Variants in IGFN1 observed in about 807,000 individuals in gnomAD.
The protein encoded by IGFN1 is immunoglobulin-like and fibronectin type III domain-containing protein 1.
Under a neutral mutation model 289.5 loss-of-function variants are expected in IGFN1, and 253 were observed. That is an observed-to-expected ratio of 0.87 (90% CI 0.79 to 0.97). The LOEUF is 0.97. Among genes scored for constraint, IGFN1 ranks in the 50% least tolerant of loss-of-function variants. The probability of loss-of-function intolerance (pLI) is 0.00; values close to 1 mark genes in which losing one functional copy is unlikely to be tolerated. For synonymous variants in IGFN1, 1,706 were observed against 1,788.5 expected (o/e 0.95, Z 1.16); for missense variants, 4,470 against 4,686.1 (o/e 0.95, Z 1.35).
intron 8 of IGFN1, among the ~76,000 whole-genome samples, chr1:201,201,016 A>G (rs1175612588): frequency 1.3e-5 from 2 of 151,974 alleles, no homozygotes; most frequent in East Asian, 3.9e-4. Context: ...TATTTTTAGT[A>G]GAGACGGGGT....
chr1:201,207,486 CAAG>C lies in IGFN1; in HGVS notation c.2595_2597del (p.Glu866del). 1 of 1,532,696 alleles carries C rather than the reference CAAG, an allele frequency of 6.5e-7. No homozygotes were observed. The highest frequency in any genetic ancestry group is 8.7e-7 in the Non-Finnish European group (1 of 1,144,606). 94.9% of individuals were successfully genotyped at this position (1,532,696 alleles called of 1,614,324 possible). A position where few individuals can be genotyped will look rare whatever the true frequency, so the allele number is the denominator to read the frequency against. Reference sequence around the variant, plus strand: ...TGGAGTGCTGGGGCCCAGTGGAGGACAAGAGGGTATGGGTGGTATCTGGGTGGC... The same window carrying C: ...TGGAGTGCTGGGGCCCAGTGGAGGACAGGGTATGGGTGGTATCTGGGTGGC... On this transcript the variant is annotated inframe_deletion, in exon 12 of 24. Coordinates refer to ENST00000335211, the MANE Select transcript of IGFN1 (RefSeq NM_001164586.2).
chr1:201,210,841 G>A lies in IGFN1; in HGVS notation c.5948G>A (p.Gly1983Asp). Residue 1983 changes from glycine (G) to aspartate (D), a missense_variant, in exon 12 of 24, where the codon GGT (glycine) becomes GAT (aspartate). Physicochemically the swap from Gly to Asp is moderately conservative, Grantham distance 94. Transcript: ENST00000335211. ...GSGSKEGFRD[G>D]LGGSEEMGSM... is the part of the protein sequence containing the mutation. The stretch of plus-strand genomic sequence containing the variant: ...GGGAGTAAGGAAGGTTTCAGGGATG[G>A]TTTAGGGGGTTCTGAGGAAATGGGG... The A allele has an allele frequency of 6.5e-7, 1 of 1,533,596 alleles. No homozygotes were observed. The highest frequency in any genetic ancestry group is 8.7e-7 in the Non-Finnish European group (1 of 1,145,988). The allele number at this position is 1,533,596 out of a possible 1,614,324, so 95.0% of individuals were successfully genotyped here. A position where few individuals can be genotyped will look rare whatever the true frequency, so the allele number is the denominator to read the frequency against.
chr1:201,213,497 C>A lies in IGFN1; in HGVS notation c.8604C>A (p.His2868Gln), dbSNP rs1667940291. ...ATCAGAGCCGGGAGCCCCCTGGTCA[C>A]CTTGGTAGCAGGAGAAGTGGCAAAG... ...NEDQSREPPGHLGSRRSGKDG... is the reference protein window; with the variant it reads ...NEDQSREPPGQLGSRRSGKDG... Residue 2868 changes from histidine (H) to glutamine (Q), a missense_variant, in exon 12 of 24, where the codon CAC becomes CAA. By Grantham distance (24) the His-to-Gln change is conservative (BLOSUM62 0). Around this residue, in one of 8 missense-constraint regions of IGFN1, gnomAD observed 2,218 missense variants for 2,114.1 expected, o/e 1.05. Transcript: ENST00000335211. 6.2e-7 allele frequency: 1 copy of A among 1,613,900 alleles called. No homozygotes were observed. The highest frequency in any genetic ancestry group is 1.3e-5 in the African/African-American group (1 of 74,868).
chr1:201,215,166 C>A lies in IGFN1; in HGVS notation c.8995+12C>A. The A allele has an allele frequency of 1.2e-6, 2 of 1,604,028 alleles. No homozygotes were observed. The highest frequency in any genetic ancestry group is 1.7e-6 in the Non-Finnish European group (2 of 1,174,622). ...CCTGACCGTCCAGGGTAAGGCCCAG[C>A]CCTGCCCTGCCCTGCCCTGTCCTGT... On this transcript the variant is annotated intron_variant, in intron 14 of 23. Transcript: ENST00000335211.
chr1:201,204,094 TTA>T (rs1667288113), intron 10 of IGFN1, among the ~76,000 whole-genome samples, 188 bp downstream of exon 10: 2 of 152,150 alleles, frequency 1.3e-5, no homozygotes, highest in Non-Finnish European at 2.9e-5. Flanking sequence ...TTGGTGCGAG[TTA>T]TCTCTCCTGG....
chr1:201,210,226 A>T lies in IGFN1; in HGVS notation c.5333A>T (p.Asp1778Val). 7.8e-7 allele frequency: 1 copy of T among 1,286,528 alleles called. No homozygotes were observed. The highest frequency in any genetic ancestry group is 1.0e-6 in the Non-Finnish European group (1 of 988,938). 79.7% of individuals were successfully genotyped at this position (1,286,528 alleles called of 1,614,324 possible). A position where few individuals can be genotyped will look rare whatever the true frequency, so the allele number is the denominator to read the frequency against. The change falls in exon 12 of 24, where the codon GAT (aspartate) becomes GTT (valine). Residue 1778 changes from aspartate (D) to valine (V), a missense_variant. Coordinates refer to ENST00000335211, the MANE Select transcript of IGFN1 (RefSeq NM_001164586.2). The part of the protein sequence containing the change: ...LGSSGEMGSM[D>V]EAGYRKDLWA... ...AGTTCTGGGGAAATGGGGTCAATGG[A>T]TGAGGCAGGTTATAGGAAGGATTTG...
rs1218974239 is a variant in IGFN1, at chr1:201,207,668, T to C, written c.2775T>C (p.Asn925=). ...GSIGSEPDFW[N]GSGSSRVKGP... ...TAGGGTCTGAACCAGATTTCTGGAA[T>C]GGGTCAGGGAGCTCCAGAGTAAAAG... Residue 925 remains asparagine, a synonymous_variant, in exon 12 of 24, where the codon AAT becomes AAC. Transcript: ENST00000335211. 6.5e-7 allele frequency: 1 copy of C among 1,536,934 alleles called. No individual in the cohort carries two copies. Among genetic ancestry groups the C allele is most frequent in the East Asian group, 2.4e-5 (1 of 40,912 alleles).
intron 3 of IGFN1, among the ~76,000 whole-genome samples, chr1:201,195,149 C>CTTTTT (rs149647238): frequency 1.4e-5 from 2 of 147,170 alleles, no homozygotes; most frequent in Non-Finnish European, 3.0e-5. Flanking sequence ...AAAATCTCTT[C>CTTTTT]TTTTTTTTTT....
Position 201,207,702 on chromosome 1 carries a change from G to T in IGFN1, c.2809G>T (p.Gly937Cys). The T allele has an allele frequency of 6.5e-7, 1 of 1,537,106 alleles. No individual in the cohort carries two copies. The highest frequency in any genetic ancestry group is 8.7e-7 in the Non-Finnish European group (1 of 1,146,882). ...GAGCTCCAGAGTAAAAGGACCCAGA[G>T]GTGAGACAGGCTATAAGGATGGCTT... Reference protein sequence around the residue: ...SGSSRVKGPRGETGYKDGLEG... With the variant: ...SGSSRVKGPRCETGYKDGLEG... Residue 937 changes from glycine to cysteine, a missense_variant, in exon 12 of 24, where the codon GGT (glycine) becomes TGT (cysteine). By Grantham distance (159) the Gly-to-Cys change is radical (BLOSUM62 -3). Transcript: ENST00000335211.
intron 9 of IGFN1, 82 bp from the exon 10 acceptor site, chr1:201,203,656 C>A: frequency 7.4e-7 from 1 of 1,342,526 alleles, no homozygotes; most frequent in Non-Finnish European, 1.0e-6. Context: ...GAGAAAACTG[C>A]TGGTTATAGC....
intron 18 of IGFN1, among the ~76,000 whole-genome samples, 159 bp downstream of exon 18, chr1:201,218,817 G>A (rs1231072846): frequency 6.6e-6 from 1 of 152,104 alleles, no homozygotes; most frequent in Non-Finnish European, 1.5e-5. Context: ...CCTCTCGGGT[G>A]AGCCACATCT....
At position 201,213,117 on chromosome 1, in the gene IGFN1, G is replaced by A; in HGVS notation, c.8224G>A (p.Asp2742Asn). 1 of 1,551,672 alleles carries A rather than the reference G, an allele frequency of 6.4e-7. No homozygotes were observed. Among genetic ancestry groups the A allele is most frequent in the Non-Finnish European group, 8.7e-7 (1 of 1,146,988 alleles). Residue 2742 changes from aspartate (D) to asparagine (N), a missense_variant, in exon 12 of 24, where the codon GAT (aspartate) becomes AAT (asparagine). Transcript: ENST00000335211. Reference protein sequence around the residue: ...SGPQGAWNGLDGPFGRKASRD... With the variant: ...SGPQGAWNGLNGPFGRKASRD... Reference sequence around the variant, plus strand: ...ACCTCAGGGAGCCTGGAATGGCTTAGATGGTCCCTTTGGCAGAAAAGCCTC... The same window carrying A: ...ACCTCAGGGAGCCTGGAATGGCTTAAATGGTCCCTTTGGCAGAAAAGCCTC...
At chr1:201,222,435 A>C in intron 19 of IGFN1, 1 of 289,794 alleles carries the variant, frequency 3.5e-6, no homozygotes, top group Non-Finnish European at 6.4e-6. Context: ...TCTGCAAAAC[A>C]TAAGCGCTCT....
intron 15 of IGFN1, 112 bp downstream of exon 15, chr1:201,215,950 T>C (rs780346970): frequency 9.4e-6 from 10 of 1,063,928 alleles, no homozygotes; most frequent in Non-Finnish European, 1.3e-5. Context: ...TGATCCTCAT[T>C]TGCATGCTGT....
Position 201,193,227 on chromosome 1 carries a change from A to G in IGFN1, c.-47-20A>G. 2.4e-6 allele frequency: 3 copies of G among 1,224,698 alleles called. 1 individual carries two copies. The South Asian group carries it at 3.8e-5, about 16-fold the overall frequency. The allele number at this position is 1,224,698 out of a possible 1,614,324, so 75.9% of individuals were successfully genotyped here. A position where few individuals can be genotyped will look rare whatever the true frequency, so the allele number is the denominator to read the frequency against. ...AGACCAGCCTGGATTTCTCAAAAGC[A>G]ATTCCATTTCTGTTCTCAGGGTAAT... On this transcript the variant is annotated intron_variant, in intron 1 of 23. Coordinates refer to ENST00000335211, the MANE Select transcript of IGFN1 (RefSeq NM_001164586.2).
chr1:201,203,930 T>A (rs1667276606), intron 10 of IGFN1, 24 bp downstream of exon 10: 2 of 1,539,908 alleles, frequency 1.3e-6, no homozygotes, highest in Non-Finnish European at 1.8e-6. Flanking sequence ...ACTGCCGAAG[T>A]TGGAGTTGGG....
chr1:201,214,125 A>AGGCCATGGCCTGGGGCGCTC, intron 12 of IGFN1, 52 bp from the exon 13 acceptor site: 1 of 1,534,888 alleles, frequency 6.5e-7, no homozygotes, highest in Non-Finnish European at 8.8e-7. Flanking sequence ...GGCACAGCGC[A>AGGCCATGGCCTGGGGCGCTC]GGCCATGGCC....
At position 201,205,427 on chromosome 1, in the gene IGFN1, G is replaced by A. The variant is rs1013204897; in HGVS notation, c.1189+73G>A. The A allele has an allele frequency of 1.1e-5, 16 of 1,397,004 alleles. No homozygotes were observed. In the African/African-American group the frequency reaches 1.2e-4, roughly 10 times the overall value. The allele number at this position is 1,397,004 out of a possible 1,614,324, so 86.5% of individuals were successfully genotyped here. A position where few individuals can be genotyped will look rare whatever the true frequency, so the allele number is the denominator to read the frequency against. Reference sequence around the variant, plus strand: ...GGGGCTGCGGAGGCATGAGGAAGGCGAGGCAGTGGGATTTCCTTTGGTCAG... The same window carrying A: ...GGGGCTGCGGAGGCATGAGGAAGGCAAGGCAGTGGGATTTCCTTTGGTCAG... On this transcript the variant is annotated intron_variant, in intron 11 of 23. Coordinates refer to ENST00000335211, the MANE Select transcript of IGFN1 (RefSeq NM_001164586.2).
rs1442822983 is a variant in IGFN1, at chr1:201,215,099, G to A, written c.8940G>A (p.Gly2980=). ...FITHVQGTQA[G]RYTFVAGDQQ... is the part of the protein sequence containing the mutation. ...CGCATGTGCAGGGGACCCAAGCTGG[G>A]AGGTACACCTTTGTAGCTGGTGACC... The change falls in exon 14 of 24, where the codon GGG becomes GGA. Residue 2980 remains glycine, a synonymous_variant. Transcript: ENST00000335211. The A allele has an allele frequency of 1.3e-5, 21 of 1,613,990 alleles. No homozygotes were observed. The highest frequency in any genetic ancestry group is 1.8e-5 in the Non-Finnish European group (21 of 1,180,040).
Sources: gnomAD v4.1 joint callset for allele counts (sites outside exome capture counted in the v4.1 genomes callset) on GRCh38, gnomAD v4.1.1 for gene constraint, gnomAD v4.1.1 regional missense constraint, MANE v1.5 for transcripts, NCBI Gene and HGNC (gene_info 2026-07-23, HGNC 2026-07-21) for gene names.